Variants in ESPN observed in about 807,000 individuals in gnomAD.
The protein encoded by ESPN is autosomal recessive deafness type 36 protein.
ESPN carries 68 observed loss-of-function variants against 77.7 expected under a neutral mutation model. The observed-to-expected ratio is 0.87, with a 90% CI of 0.72 to 1.07. The LOEUF (loss-of-function observed/expected upper bound fraction) is 1.07. ESPN is among the 50% of genes least tolerant of loss of function. The pLI is 0.00. For synonymous variants in ESPN, 449 were observed against 567.1 expected, an observed-to-expected ratio of 0.79 and a Z score of 2.96; for missense variants, 1,060 against 1,239.0, an observed-to-expected ratio of 0.86 and a Z score of 2.17.
At position 6,424,781 on chromosome 1, in the gene ESPN, G is replaced by A. The variant is rs1322786740; in HGVS notation, c.-175G>A. 1 of 645,336 alleles carries A rather than the reference G, an allele frequency of 1.5e-6. No individual in the cohort carries two copies. The highest frequency in any genetic ancestry group is 2.2e-6 in the Non-Finnish European group (1 of 465,024). 40.0% of individuals were successfully genotyped at this position (645,336 alleles called of 1,614,324 possible). The stretch of plus-strand genomic sequence containing the variant: ...CGTCCGCGGGCTCCGGCCCCAGAGC[G>A]CGGCGGAGCGGAGCGCCAGGCAGCG... On this transcript the variant is annotated 5_prime_UTR_variant, in exon 1 of 13. Coordinates refer to ENST00000645284, the MANE Select transcript of ESPN (RefSeq NM_031475.3).
chr1:6,435,356 G>A lies in ESPN; in HGVS notation c.489-4898G>A, dbSNP rs373017099. On this transcript the variant is annotated intron_variant, in intron 2 of 12. Transcript: ENST00000645284. ...GCCCCATGGGCAGCTCACTCCCTGC[G>A]GCGGCGCTGGCAGTCAGCTGGCACC... Among the ~76,000 whole-genome samples the A allele has an allele frequency of 2.8e-4, 43 of 152,344 alleles. No homozygotes were observed. In the East Asian group the frequency reaches 7.1e-3, roughly 25 times the overall value.
At position 6,440,335 on chromosome 1, in the gene ESPN, C is replaced by T. The variant is rs764920815; in HGVS notation, c.570C>T (p.Tyr190=). The stretch of plus-strand genomic sequence containing the variant: ...AGGGCCACCTGGAGGTGACCCAGTA[C>T]CTGGTGCAGGAATGCGGCGCAGACC... ...CQEGHLEVTQ[Y]LVQECGADPH... is the part of the protein sequence containing the mutation. The change falls in exon 3 of 13, where the codon TAC becomes TAT. Residue 190 remains tyrosine (Y), a synonymous_variant. Coordinates refer to ENST00000645284, the MANE Select transcript of ESPN (RefSeq NM_031475.3). 3.2e-5 allele frequency: 50 copies of T among 1,580,392 alleles called. No individual in the cohort carries two copies. Among genetic ancestry groups the T allele is most frequent in the East Asian group, 2.1e-4 (9 of 43,030 alleles).
rs531321988 is a variant in ESPN at position 6,451,592 on chromosome 1, C to A, written c.1916-11C>A. ...ACCCTGGCCAGTGCCTCATCTCCTG[C>A]CTCCGCATAGGCACCAAGTCTTTCA... On this transcript the variant is annotated splice_polypyrimidine_tract_variant and intron_variant, in intron 8 of 12. Coordinates refer to ENST00000645284, the MANE Select transcript of ESPN (RefSeq NM_031475.3). This position sits in a 1 kb window ranked among gnomAD's most constrained non-coding sequence, Gnocchi z 4.3. The A allele has an allele frequency of 6.2e-7, 1 of 1,611,798 alleles. No individual in the cohort carries two copies. The highest frequency in any genetic ancestry group is 1.7e-5 in the Admixed American group (1 of 59,900).
intron 5 of ESPN, among the ~76,000 whole-genome samples, chr1:6,444,096 A>C (rs1569673336): frequency 6.6e-6 from 1 of 152,206 alleles, no homozygotes; most frequent in South Asian, 2.1e-4. Context: ...CTTGCCAGCC[A>C]GGTAACTAGG....
chr1:6,461,186 T>C (rs1644159996), downstream of ESPN: 1 of 711,570 alleles, frequency 1.4e-6, no homozygotes. The surrounding 1 kb of genome is among the most constrained non-coding windows in gnomAD (Gnocchi z 6.3). Flanking sequence ...ACAGATTTAA[T>C]ACCGCGATCT....
rs543364464 is a variant in ESPN at position 6,425,279 on chromosome 1, G to A, written c.294+30G>A. 58 of 1,562,854 alleles carry A rather than the reference G, an allele frequency of 3.7e-5. No individual in the cohort carries two copies. The East Asian group carries it at 1.1e-3, about 28-fold the overall frequency. On this transcript the variant is annotated intron_variant, in intron 1 of 12. Coordinates refer to ENST00000645284, the MANE Select transcript of ESPN (RefSeq NM_031475.3). ...GTCCGCGCGGTTCGCCAGGGGCACTGAGGCTTCCTCCTCAGGACAGAGTCC... is the reference window on the plus strand; with the variant it reads ...GTCCGCGCGGTTCGCCAGGGGCACTAAGGCTTCCTCCTCAGGACAGAGTCC...
At chr1:6,457,652 T>C (rs1207548363) in intron 12 of ESPN, among the ~76,000 whole-genome samples, 1 of 152,186 alleles carries the variant, frequency 6.6e-6, no homozygotes. Flanking sequence ...CAGAATGTAC[T>C]TTCTGCCCCT....
At chr1:6,426,212 C>A (rs1258779937) in intron 1 of ESPN, among the ~76,000 whole-genome samples, 4 of 152,258 alleles carry the variant, frequency 2.6e-5, no homozygotes, top group Admixed American at 6.5e-5. Context: ...CCAACCCCAC[C>A]TTCTGCCTTC....
chr1:6,435,954 G>A (rs146534261), intron 2 of ESPN, among the ~76,000 whole-genome samples: 2,746 of 152,354 alleles, frequency 0.018, 43 homozygotes, highest in Middle Eastern at 0.075. Flanking sequence ...AAAGAGACAA[G>A]AAGCAAGACT....
chr1:6,459,838 AT>A (rs1644125243), intron 12 of ESPN, among the ~76,000 whole-genome samples, 160 bp from the exon 13 acceptor site: 1 of 151,958 alleles, frequency 6.6e-6, no homozygotes, highest in Admixed American at 6.6e-5. Context: ...TCTGCCCCCA[AT>A]CTAGCCCCTC....
chr1:6,441,097 T>G, intron 5 of ESPN, 32 bp downstream of exon 5: 1 of 1,602,622 alleles, frequency 6.2e-7, no homozygotes, highest in Non-Finnish European at 8.5e-7. Context: ...TGTCGCATTC[T>G]TTCTTCTCGC....
At chr1:6,455,747 C>T (rs1385179479) in intron 10 of ESPN, 4 of 398,908 alleles carry the variant, frequency 1.0e-5, no homozygotes, top group Admixed American at 8.8e-5. Context: ...GACTGGGCAG[C>T]CACCCGTGGG....
At chr1:6,426,713 T>A (rs1643048354) in intron 1 of ESPN, among the ~76,000 whole-genome samples, 1 of 151,970 alleles carries the variant, frequency 6.6e-6, no homozygotes. Context: ...CCAAGGCCAA[T>A]AGGAAGGGAG....
rs2148537647 is a variant in ESPN at position 6,451,233 on chromosome 1, C to G, written c.1916-370C>G. ...GAGGCTCCACCCCAGCCGGGCTGAG[C>G]CAGGGAACCTGGGACAAAGGTCAGG... On this transcript the variant is annotated intron_variant, in intron 8 of 12. Transcript: ENST00000645284. The surrounding 1 kb of genome is among the most constrained non-coding windows in gnomAD (Gnocchi z 4.3). 2.7e-6 allele frequency: 1 copy of G among 371,744 alleles called. No homozygotes were observed. Among genetic ancestry groups the G allele is most frequent in the African/African-American group, 2.1e-5 (1 of 47,772 alleles). The allele number at this position is 371,744 out of a possible 1,614,324, so 23.0% of individuals were successfully genotyped here. A position where few individuals can be genotyped will look rare whatever the true frequency, so the allele number is the denominator to read the frequency against.
chr1:6,432,303 C>G (rs1643280889), intron 2 of ESPN, among the ~76,000 whole-genome samples: 2 of 152,218 alleles, frequency 1.3e-5, no homozygotes, highest in East Asian at 3.8e-4. Context: ...GATTCTGCCA[C>G]AGGCCGTGGG....
At position 6,428,520 on chromosome 1, in the gene ESPN, TC is replaced by T; in HGVS notation, c.488+104del. 2 of 1,063,416 alleles carry T rather than the reference TC, an allele frequency of 1.9e-6. No individual in the cohort carries two copies. The highest frequency in any genetic ancestry group is 2.7e-6 in the Non-Finnish European group (2 of 735,200). The allele number at this position is 1,063,416 out of a possible 1,614,324, so 65.9% of individuals were successfully genotyped here. The stretch of plus-strand genomic sequence containing the variant: ...CCTCTCTGGCACTCCAGGGCAATGA[TC>T]CCTCCAGTGGCCATCCTGGGGCCAG... On this transcript the variant is annotated intron_variant, in intron 2 of 12. Coordinates refer to ENST00000645284, the MANE Select transcript of ESPN (RefSeq NM_031475.3). The surrounding 1 kb of genome is among the most constrained non-coding windows in gnomAD (Gnocchi z 5.4).
Position 6,460,826 on chromosome 1 carries a change from G to C in ESPN, c.*680G>C. The stretch of plus-strand genomic sequence containing the variant: ...GGGACCCTTTCACTGCCCCGGTGGA[G>C]TGAATAGAGGATGAGGGGCCCTGAC... On this transcript the variant is annotated 3_prime_UTR_variant, in exon 13 of 13. Coordinates refer to ENST00000645284, the MANE Select transcript of ESPN (RefSeq NM_031475.3). 4.3e-6 allele frequency: 1 copy of C among 234,104 alleles called. No homozygotes were observed. The highest frequency in any genetic ancestry group is 5.2e-5 in the South Asian group (1 of 19,062). The allele number at this position is 234,104 out of a possible 1,614,324, so 14.5% of individuals were successfully genotyped here. A position where few individuals can be genotyped will look rare whatever the true frequency, so the allele number is the denominator to read the frequency against.
Position 6,457,379 on chromosome 1 carries a change from G to T in ESPN, c.2417+7G>T. ...CTTCCAGGGAGCAGAAGCGGTGAGT[G>T]CAGGGCTGGCCCCAACCTGCCACCC... On this transcript the variant is annotated splice_region_variant and intron_variant, in intron 12 of 12. Transcript: ENST00000645284. 1 of 1,614,210 alleles carries T rather than the reference G, an allele frequency of 6.2e-7. No individual in the cohort carries two copies. The highest frequency in any genetic ancestry group is 8.5e-7 in the Non-Finnish European group (1 of 1,180,030).
intron 2 of ESPN, among the ~76,000 whole-genome samples, chr1:6,430,510 A>C (rs1047087738): frequency 2.6e-5 from 4 of 152,202 alleles, no homozygotes; most frequent in African/African-American, 4.8e-5. Context: ...TGTCCCGTTC[A>C]TGGGGCCAAG....
Sources: allele counts gnomAD v4.1 joint callset (sites outside exome capture counted in the v4.1 genomes callset), GRCh38; gene constraint gnomAD v4.1.1; non-coding constraint Gnocchi (gnomAD v3.1); transcripts MANE v1.5; gene names NCBI Gene and HGNC (gene_info 2026-07-23, HGNC 2026-07-21).